KCNJ10: variants seen among roughly 807,000 people sequenced by gnomAD.
KCNJ10 encodes the protein potassium inwardly rectifying channel subfamily J member 10, also known as ATP-sensitive inward rectifier potassium channel 10.
Under a neutral mutation model 22.2 loss-of-function variants are expected in KCNJ10, and 9 were observed. The observed-to-expected ratio is 0.40, with a 90% CI of 0.24 to 0.71. KCNJ10 has a LOEUF of 0.71. Among genes scored for constraint, KCNJ10 ranks in the 30% least tolerant of loss-of-function variants. The pLI, the probability that KCNJ10 is intolerant of heterozygous loss-of-function variation, is 0.35. For missense variants in KCNJ10, 337 were observed against 482.7 expected (o/e 0.70, Z 2.83); for synonymous variants, 184 against 187.3 (o/e 0.98, Z 0.15).
At chr1:160,047,498 C>T (rs1267104850) in intron 1 of KCNJ10, among the ~76,000 whole-genome samples, 1 of 152,166 alleles carries the variant, frequency 6.6e-6, no homozygotes, top group Non-Finnish European at 1.5e-5. Flanking sequence ...GCCCCCTGAA[C>T]TCCAACGCAG....
At chr1:160,054,612 G>A (rs1380017438) in intron 1 of KCNJ10, among the ~76,000 whole-genome samples, 2 of 152,182 alleles carry the variant, frequency 1.3e-5, no homozygotes, top group Admixed American at 6.5e-5. Context: ...AAGAGGATCC[G>A]AGCTAGGTTA....
intron 1 of KCNJ10, among the ~76,000 whole-genome samples, chr1:160,045,058 T>C (rs1343272272): frequency 1.3e-5 from 2 of 152,164 alleles, no homozygotes; most frequent in Admixed American, 6.5e-5. Context: ...GGCTACTAAA[T>C]TGACAAATCG....
chr1:160,058,056 C>T (rs907942721), intron 1 of KCNJ10, among the ~76,000 whole-genome samples: 2 of 152,178 alleles, frequency 1.3e-5, no homozygotes, highest in Non-Finnish European at 2.9e-5. Context: ...AACAGAGAAC[C>T]TTTTCTGGAC....
intron 1 of KCNJ10, among the ~76,000 whole-genome samples, chr1:160,049,824 T>C (rs529940912): frequency 1.0e-3 from 157 of 150,544 alleles, no homozygotes; most frequent in African/African-American, 3.6e-3. Context: ...ACTCCAGCCA[T>C]AGGGGCCAAT....
chr1:160,068,326 C>T (rs1043791510), intron 1 of KCNJ10, among the ~76,000 whole-genome samples: 1 of 152,120 alleles, frequency 6.6e-6, no homozygotes, highest in Admixed American at 6.5e-5. Context: ...ATTTGATATC[C>T]GCTGAGACAA....
At chr1:160,046,672 TG>T (rs1648748146) in intron 1 of KCNJ10, among the ~76,000 whole-genome samples, 1 of 152,182 alleles carries the variant, frequency 6.6e-6, no homozygotes. Flanking sequence ...CCAGCTGTTG[TG>T]CCACCTCCCA....
At position 160,041,921 on chromosome 1, in the gene KCNJ10, G is replaced by A; in HGVS notation, c.612C>T (p.Arg204=). The change falls in exon 2 of 2, where the codon CGC becomes CGT. Residue 204 remains arginine, a synonymous_variant. Coordinates refer to ENST00000644903, the MANE Select transcript of KCNJ10 (RefSeq NM_002241.5). This position sits in a 1 kb window ranked among gnomAD's most constrained non-coding sequence, Gnocchi z 4.4. Reference sequence around the variant, plus strand: ...CCTGGCAGCCAATGAGGAGGCTTTTGCGCATATTGGCAACTCGGATCATGA... The same window carrying A: ...CCTGGCAGCCAATGAGGAGGCTTTTACGCATATTGGCAACTCGGATCATGA... The part of the protein sequence containing the change: ...PCLMIRVANM[R]KSLLIGCQVT... The A allele has an allele frequency of 1.9e-6, 3 of 1,613,732 alleles. No individual in the cohort carries two copies. The highest frequency in any genetic ancestry group is 2.5e-6 in the Non-Finnish European group (3 of 1,179,670).
intron 1 of KCNJ10, among the ~76,000 whole-genome samples, chr1:160,059,665 C>T (rs1325416370): frequency 6.6e-6 from 1 of 152,164 alleles, no homozygotes; most frequent in Non-Finnish European, 1.5e-5. Context: ...GTGAGGTCCA[C>T]GAGGAGGAGA....
intron 1 of KCNJ10, among the ~76,000 whole-genome samples, chr1:160,055,433 C>G (rs80013813): frequency 6.6e-6 from 1 of 152,084 alleles, no homozygotes; most frequent in Non-Finnish European, 1.5e-5. Context: ...GATGACTGAC[C>G]GGTCTGTTCT....
rs900386839 is a variant in KCNJ10 at position 160,057,903 on chromosome 1, G to C, written c.-1+12119C>G. Among the ~76,000 whole-genome samples the C allele has an allele frequency of 1.3e-3, 199 of 152,198 alleles. 2 individuals are homozygous for C. The highest frequency in any genetic ancestry group is 4.6e-3 in the African/African-American group (190 of 41,520). ...GAAATGAGGGGAGGCTTGGACCTAG[G>C]GGGTGGAGGGCCCAAGAGGTAGTGG... is the stretch of plus-strand genomic sequence containing the variant. On this transcript the variant is annotated intron_variant, in intron 1 of 1. Coordinates refer to ENST00000644903, the MANE Select transcript of KCNJ10 (RefSeq NM_002241.5).
chr1:160,052,283 T>G (rs1648923315), intron 1 of KCNJ10, among the ~76,000 whole-genome samples: 1 of 152,220 alleles, frequency 6.6e-6, no homozygotes, highest in African/African-American at 2.4e-5. Context: ...AATCACTGTT[T>G]GGTAAAGACA....
chr1:160,049,685 A>ATATATATATATATATATT (rs1648844750), intron 1 of KCNJ10, among the ~76,000 whole-genome samples: 2 of 98,864 alleles, frequency 2.0e-5, no homozygotes, highest in African/African-American at 9.8e-5. Flanking sequence ...TTATATATAT[A>ATATATATATATATATATT]TATATATATA....
intron 1 of KCNJ10, among the ~76,000 whole-genome samples, chr1:160,043,304 C>G (rs1648658448): frequency 6.7e-6 from 1 of 150,318 alleles, no homozygotes; most frequent in Non-Finnish European, 1.5e-5. Flanking sequence ...CACACACACA[C>G]ACACACACAC....
intron 1 of KCNJ10, among the ~76,000 whole-genome samples, chr1:160,068,395 T>C (rs558417733): frequency 1.5e-4 from 23 of 152,158 alleles, no homozygotes; most frequent in South Asian, 4.2e-4. Context: ...CAGCAGCTCC[T>C]TTCAGGACCC....
In KCNJ10 at chr1:160,041,290, T is replaced by C. The variant is rs557098814; in HGVS notation, c.*103A>G. The C allele has an allele frequency of 8.5e-7, 1 of 1,172,990 alleles. No individual in the cohort carries two copies. Among genetic ancestry groups the C allele is most frequent in the African/African-American group, 1.5e-5 (1 of 66,130 alleles). 72.7% of individuals were successfully genotyped at this position (1,172,990 alleles called of 1,614,324 possible). ...GGGTTAAAGAAGAGGGAGTGGAGGA[T>C]GGGTGCTTCGGGGGATCTCCAGTAA... On this transcript the variant is annotated 3_prime_UTR_variant, in exon 2 of 2. Coordinates refer to ENST00000644903, the MANE Select transcript of KCNJ10 (RefSeq NM_002241.5). The surrounding 1 kb of genome is among the most constrained non-coding windows in gnomAD (Gnocchi z 4.4).
intron 1 of KCNJ10, among the ~76,000 whole-genome samples, chr1:160,055,112 ATGAAATCATCCATTTAATAC>A (rs1341769394): frequency 1.1e-4 from 17 of 152,210 alleles, no homozygotes; most frequent in Admixed American, 5.2e-4. Flanking sequence ...GTTGAATTCT[ATGAAATCATCCATTTAATAC>A]ATGGGTTCCC....
chr1:160,049,698 T>TATATAC (rs1304561199), intron 1 of KCNJ10, among the ~76,000 whole-genome samples: 3 of 123,348 alleles, frequency 2.4e-5, no homozygotes, highest in Non-Finnish European at 5.1e-5. Context: ...TATATATATA[T>TATATAC]ATATATATAT....
chr1:160,048,249 T>G (rs942683766), intron 1 of KCNJ10, among the ~76,000 whole-genome samples: 2 of 152,260 alleles, frequency 1.3e-5, no homozygotes, highest in Middle Eastern at 3.2e-3. Context: ...GACACCTAGT[T>G]CACACAGACC....
In KCNJ10 at chr1:160,042,173, G is replaced by A; in HGVS notation, c.360C>T (p.Leu120=). The A allele has an allele frequency of 6.3e-7, 1 of 1,596,764 alleles. No individual in the cohort carries two copies. The highest frequency in any genetic ancestry group is 8.6e-7 in the Non-Finnish European group (1 of 1,168,988). Residue 120 remains leucine, a synonymous_variant, in exon 2 of 2, where the codon CTC becomes CTT. Coordinates refer to ENST00000644903, the MANE Select transcript of KCNJ10 (RefSeq NM_002241.5). ...VQVHTLTGAF[L]FSLESQTTIG... ...TGGTGGTTTGGGATTCAAGGGAGAA[G>A]AGGAAGGCTCCAGTGAGTGTGTGCA...
Sources: allele counts gnomAD v4.1 joint callset (sites outside exome capture counted in the v4.1 genomes callset), GRCh38; gene constraint gnomAD v4.1.1; non-coding constraint Gnocchi (gnomAD v3.1); transcripts MANE v1.5; gene names NCBI Gene and HGNC (gene_info 2026-07-23, HGNC 2026-07-21).